The following CFAP69 variants were observed in gnomAD, a reference collection of about 807,000 sequenced individuals.
CFAP69 encodes cilia- and flagella-associated protein 69.
In CFAP69, 92 loss-of-function variants were observed where a neutral mutation model predicts 123.0. The ratio of observed to expected loss-of-function variants is 0.75; its 90% CI spans 0.63 to 0.89. The LOEUF (loss-of-function observed/expected upper bound fraction) is 0.89, where lower values mean the gene tolerates loss of function less well. CFAP69 is among the 40% of genes least tolerant of loss of function. The pLI is 0.00. For missense variants in CFAP69, 1,067 were observed against 1,096.9 expected, an observed-to-expected ratio of 0.97 and a Z score of 0.39; for synonymous variants, 380 against 364.3, an observed-to-expected ratio of 1.04 and a Z score of -0.49.
intron 16 of CFAP69, among the ~76,000 whole-genome samples, chr7:90,299,162 A>C (rs1187010727): frequency 1.3e-5 from 2 of 152,182 alleles, no homozygotes; most frequent in Non-Finnish European, 2.9e-5. Flanking sequence ...CCTTTGCTAT[A>C]TTCAAATAAC....
At chr7:90,263,839 C>T (rs1798666893) in intron 4 of CFAP69, among the ~76,000 whole-genome samples, 1 of 151,492 alleles carries the variant, frequency 6.6e-6, no homozygotes, top group African/African-American at 2.4e-5. Context: ...CCTGTTAATC[C>T]CAGCACTTTG....
intron 4 of CFAP69, among the ~76,000 whole-genome samples, chr7:90,264,318 T>C (rs1798828804): frequency 6.6e-6 from 1 of 151,804 alleles, no homozygotes; most frequent in Non-Finnish European, 1.5e-5. Context: ...CTTTTATGAT[T>C]TATAAATAAG....
chr7:90,251,894 CA>C (rs770087275), intron 1 of CFAP69: 1 of 152,206 alleles, frequency 6.6e-6, no homozygotes, highest in Non-Finnish European at 1.5e-5. Flanking sequence ...AAAATACACA[CA>C]AATATTAGAA....
At chr7:90,298,723 A>C (rs747708582) in intron 16 of CFAP69, among the ~76,000 whole-genome samples, 1 of 152,196 alleles carries the variant, frequency 6.6e-6, no homozygotes. Context: ...CTGTGTGTGC[A>C]TCTAAGTGTG....
chr7:90,266,970 A>C (rs888263518), intron 5 of CFAP69, among the ~76,000 whole-genome samples: 3 of 152,206 alleles, frequency 2.0e-5, no homozygotes, highest in African/African-American at 7.2e-5. Context: ...ATTATGAAAC[A>C]GGAAGCTATG....
At chr7:90,299,797 T>TC (rs1481489426) in intron 16 of CFAP69, 70 bp from the exon 17 acceptor site, 1 of 923,726 alleles carries the variant, frequency 1.1e-6, no homozygotes, top group Non-Finnish European at 1.4e-6. Flanking sequence ...TGTTTCTCTC[T>TC]TTTTTTTTTG....
intron 11 of CFAP69, 84 bp from the exon 12 acceptor site, chr7:90,279,593 C>T (rs887722353): frequency 1.6e-5 from 12 of 740,608 alleles, no homozygotes; most frequent in Non-Finnish European, 1.4e-5. Context: ...CCCAATAAAA[C>T]ATCAAAATGT....
intron 15 of CFAP69, among the ~76,000 whole-genome samples, chr7:90,290,760 CTTTTCTTTTCTTTTCTTT>C: frequency 4.3e-5 from 1 of 23,074 alleles, no homozygotes. Context: ...CTTTTCTTTT[CTTTTCTTTTCTTTTCTTT>C]TCTTTTCTTT....
rs1562832646 is a variant in CFAP69 at position 90,250,231 on chromosome 7, AG to A, written c.120+4688del. 4.5e-3 allele frequency among the ~76,000 whole-genome samples: 583 copies of A among 128,538 alleles called. 6 individuals are homozygous for A. The highest frequency in any genetic ancestry group is 0.015 in the African/African-American group (496 of 33,660). The allele number at this position is 128,538 out of a possible 152,430, so 84.3% of individuals were successfully genotyped here. A position where few individuals can be genotyped will look rare whatever the true frequency, so the allele number is the denominator to read the frequency against. Reference sequence around the variant, plus strand: ...GAGAGAGAGAGAGAGAGAGAGAGAGAGAGACTCCTTGGTTGTCCATTGAGGA... The same window carrying A: ...GAGAGAGAGAGAGAGAGAGAGAGAGAAGACTCCTTGGTTGTCCATTGAGGA... On this transcript the variant is annotated intron_variant, in intron 1 of 22. Transcript: ENST00000389297.
At chr7:90,284,818 A>C (rs1327847398) in intron 13 of CFAP69, among the ~76,000 whole-genome samples, 1 of 152,212 alleles carries the variant, frequency 6.6e-6, no homozygotes, top group Non-Finnish European at 1.5e-5. Context: ...TAAATAACAC[A>C]AGATAGGTTA....
chr7:90,273,955 T>C (rs888877582), intron 8 of CFAP69, 32 bp from the exon 9 acceptor site: 1 of 1,502,520 alleles, frequency 6.7e-7, no homozygotes, highest in Admixed American at 2.1e-5. Flanking sequence ...TGTATAACAA[T>C]ATAGTTTTTA....
At chr7:90,303,805 G>T in intron 17 of CFAP69, 164 bp from the exon 18 acceptor site, 4 of 1,202,210 alleles carry the variant, frequency 3.3e-6, no homozygotes, top group Non-Finnish European at 4.1e-6. Flanking sequence ...AGAAATAGCT[G>T]CTTAATTATT....
intron 1 of CFAP69, 119 bp downstream of exon 1, chr7:90,245,663 C>A: frequency 1.6e-6 from 2 of 1,274,902 alleles, no homozygotes; most frequent in Non-Finnish European, 2.1e-6. Context: ...ATGGGGGAAG[C>A]CGCGGGATGG....
intron 1 of CFAP69, among the ~76,000 whole-genome samples, chr7:90,245,771 G>A (rs1485105327): frequency 6.6e-6 from 1 of 152,210 alleles, no homozygotes; most frequent in Non-Finnish European, 1.5e-5. Context: ...CTGGGGACCA[G>A]CGCTGTGTGG....
chr7:90,294,160 C>G (rs940361331), intron 15 of CFAP69, among the ~76,000 whole-genome samples: 3 of 152,178 alleles, frequency 2.0e-5, no homozygotes, highest in African/African-American at 7.2e-5. Flanking sequence ...GTCCCCAGCC[C>G]TATCTACAAT....
Position 90,277,342 on chromosome 7 carries a change from G to A in CFAP69, c.1155+8G>A. 1 of 1,490,914 alleles carries A rather than the reference G, an allele frequency of 6.7e-7. No individual in the cohort carries two copies. 92.4% of individuals were successfully genotyped at this position (1,490,914 alleles called of 1,614,324 possible). On this transcript the variant is annotated splice_region_variant and intron_variant, in intron 11 of 22. Transcript: ENST00000389297. ...GATTTACCTACTGTACAGGTAAAGAGTAATCAAGGCAGGAAAATCAATAAA... is the reference window on the plus strand; with the variant it reads ...GATTTACCTACTGTACAGGTAAAGAATAATCAAGGCAGGAAAATCAATAAA...
chr7:90,311,966 C>T (rs1324900155), downstream of CFAP69, among the ~76,000 whole-genome samples: 2 of 152,156 alleles, frequency 1.3e-5, no homozygotes, highest in Non-Finnish European at 2.9e-5. Context: ...GATGCCCATA[C>T]AAAAAATACC....
intron 1 of CFAP69, among the ~76,000 whole-genome samples, chr7:90,249,117 A>G (rs981742669): frequency 1.9e-4 from 29 of 152,126 alleles, no homozygotes; most frequent in Admixed American, 1.0e-3. Flanking sequence ...TCGAATTGTA[A>G]TCCCCAGGTG....
chr7:90,248,760 T>G (rs1796611611), intron 1 of CFAP69, among the ~76,000 whole-genome samples: 1 of 152,222 alleles, frequency 6.6e-6, no homozygotes, highest in African/African-American at 2.4e-5. Context: ...AAAGTGATTA[T>G]CATACTTTTC....
Sources: gnomAD v4.1 joint callset for allele counts (sites outside exome capture counted in the v4.1 genomes callset) on GRCh38, gnomAD v4.1.1 for gene constraint, MANE v1.5 for transcripts, NCBI Gene and HGNC (gene_info 2026-07-23, HGNC 2026-07-21) for gene names.